Variants in PRKG1 observed in about 807,000 individuals in gnomAD.
PRKG1 encodes protein kinase cGMP-dependent 1, also known as cGMP-dependent protein kinase 1.
A neutral mutation model predicts 88.1 loss-of-function variants in PRKG1; 35 were observed. The ratio of observed to expected loss-of-function variants is 0.40; its 90% CI spans 0.30 to 0.53. The LOEUF (loss-of-function observed/expected upper bound fraction) is 0.53, where lower values mean the gene tolerates loss of function less well. Among genes scored for constraint, PRKG1 ranks in the 20% least tolerant of loss-of-function variants. The pLI is 0.59. For missense variants in PRKG1, 540 were observed against 839.8 expected, an observed-to-expected ratio of 0.64 and a Z score of 4.41; for synonymous variants, 303 against 292.5, an observed-to-expected ratio of 1.04 and a Z score of -0.37.
chr10:51,823,845 C>A (rs1839812944), intron 4 of PRKG1, among the ~76,000 whole-genome samples: 1 of 131,180 alleles, frequency 7.6e-6, no homozygotes, highest in African/African-American at 3.5e-5. Flanking sequence ...TAATATTATC[C>A]AGAATTTTTT....
intron 4 of PRKG1, among the ~76,000 whole-genome samples, chr10:51,839,348 A>T (rs1009528300): frequency 6.6e-6 from 1 of 152,210 alleles, no homozygotes; most frequent in African/African-American, 2.4e-5. Flanking sequence ...GTAGAAGCCA[A>T]CAAATAAATA....
At chr10:51,789,299 C>T (rs552831479) in intron 3 of PRKG1, among the ~76,000 whole-genome samples, 16 of 152,282 alleles carry the variant, frequency 1.1e-4, no homozygotes, top group Admixed American at 6.5e-4. Context: ...AAATGGCCCA[C>T]CTGCAGGAAA....
intron 2 of PRKG1, among the ~76,000 whole-genome samples, chr10:51,178,897 C>A (rs1484179212): frequency 2.6e-5 from 4 of 152,070 alleles, no homozygotes; most frequent in Admixed American, 2.6e-4. Flanking sequence ...CTTCTAATAA[C>A]CAATATAACA....
intron 3 of PRKG1, among the ~76,000 whole-genome samples, chr10:51,781,081 A>G (rs745554734): frequency 3.9e-5 from 6 of 152,190 alleles, no homozygotes; most frequent in Non-Finnish European, 5.9e-5. Flanking sequence ...TAAGATATTC[A>G]TAATGATTAC....
chr10:51,915,597 G>C (rs992161985), intron 5 of PRKG1, among the ~76,000 whole-genome samples: 8 of 151,966 alleles, frequency 5.3e-5, no homozygotes, highest in African/African-American at 1.9e-4. Context: ...AGGATAAAAA[G>C]AGAAGAGCTT....
chr10:51,362,220 G>T (rs1227888030), intron 2 of PRKG1, among the ~76,000 whole-genome samples: 2 of 151,672 alleles, frequency 1.3e-5, no homozygotes. Flanking sequence ...TCCCAGCCTT[G>T]ATCTCCTGGG....
chr10:51,261,651 C>A (rs779062298), intron 2 of PRKG1, among the ~76,000 whole-genome samples: 1 of 152,146 alleles, frequency 6.6e-6, no homozygotes, highest in Non-Finnish European at 1.5e-5. Context: ...AGAACGCATT[C>A]TTTGGCAGCT....
intron 2 of PRKG1, chr10:51,320,370 G>A (rs1841423985): frequency 6.1e-6 from 1 of 163,492 alleles, no homozygotes; most frequent in Non-Finnish European, 1.4e-5. Flanking sequence ...AGTTTACCCA[G>A]CTTAAGGAAC....
At chr10:51,518,615 C>T (rs542199269) in intron 3 of PRKG1, among the ~76,000 whole-genome samples, 1 of 152,220 alleles carries the variant, frequency 6.6e-6, no homozygotes, top group African/African-American at 2.4e-5. Context: ...CTTTAAATTG[C>T]CACATTCCAG....
chr10:51,714,199 C>T (rs187557759), intron 3 of PRKG1, among the ~76,000 whole-genome samples: 2 of 152,242 alleles, frequency 1.3e-5, no homozygotes, highest in East Asian at 1.9e-4. Flanking sequence ...AGGCTGGTCT[C>T]CATATCCTGA....
intron 2 of PRKG1, among the ~76,000 whole-genome samples, chr10:51,261,750 G>GGC (rs10664144): frequency 0.99 from 151,272 of 152,298 alleles, 75,135 homozygotes; most frequent in East Asian, 1. Context: ...TCCAGGGCTT[G>GGC]AGGGGAAGTA....
Position 51,074,550 on chromosome 10 carries a change from G to C in PRKG1, c.-41G>C. 1 of 1,582,946 alleles carries C rather than the reference G, an allele frequency of 6.3e-7. No individual in the cohort carries two copies. Among genetic ancestry groups the C allele is most frequent in the Non-Finnish European group, 8.6e-7 (1 of 1,162,198 alleles). On this transcript the variant is annotated 5_prime_UTR_variant, in exon 1 of 18. Coordinates refer to ENST00000373980, the MANE Select transcript of PRKG1 (RefSeq NM_006258.4). The stretch of plus-strand genomic sequence containing the variant: ...GAGAGGGGAGGAAGCCTCAAGACGC[G>C]GAGCAGCGGCAGGAAGGAGCCCCCG...
chr10:51,847,583 A>T (rs1012988765), intron 4 of PRKG1, among the ~76,000 whole-genome samples: 4 of 151,608 alleles, frequency 2.6e-5, no homozygotes, highest in African/African-American at 9.7e-5. Context: ...TTAATGATCT[A>T]TTGACAGCAT....
chr10:51,586,459 C>T (rs1252834812), intron 3 of PRKG1, among the ~76,000 whole-genome samples: 1 of 152,066 alleles, frequency 6.6e-6, no homozygotes, highest in African/African-American at 2.4e-5. Context: ...CTAAAATGGA[C>T]ACATTTTATA....
intron 2 of PRKG1, among the ~76,000 whole-genome samples, chr10:51,309,248 A>G (rs1005424192): frequency 1.3e-5 from 2 of 152,174 alleles, no homozygotes; most frequent in Non-Finnish European, 2.9e-5. Flanking sequence ...TTCAAATCCC[A>G]GTCTCTTTCA....
At chr10:51,965,438 A>G (rs1039791442) in intron 5 of PRKG1, among the ~76,000 whole-genome samples, 2 of 152,192 alleles carry the variant, frequency 1.3e-5, no homozygotes, top group Admixed American at 6.5e-5. Context: ...GAAAGCTCAA[A>G]TTGTATGTAA....
chr10:51,589,645 C>A lies in PRKG1; in HGVS notation c.592+121809C>A, dbSNP rs533260183. Among the ~76,000 whole-genome samples the A allele has an allele frequency of 2.6e-5, 4 of 152,102 alleles. No individual in the cohort carries two copies. The South Asian group carries it at 8.3e-4, about 32-fold the overall frequency. Reference sequence around the variant, plus strand: ...CTCAAAAATGAAACAAAAAAAAGAACAATGCAATACTTTATTCTATGTGAT... The same window carrying A: ...CTCAAAAATGAAACAAAAAAAAGAAAAATGCAATACTTTATTCTATGTGAT... On this transcript the variant is annotated intron_variant, in intron 3 of 17. Coordinates refer to ENST00000373980, the MANE Select transcript of PRKG1 (RefSeq NM_006258.4).
chr10:51,698,913 G>GGCCAGT lies in PRKG1; in HGVS notation c.593-105667_593-105666insTGCCAG, dbSNP rs760675594. ...AGCCCAGGGCCAGGGCCAGGGCCAG[G>GGCCAGT]GCCAGAGACAGACACAGACTGAGAT... is the stretch of plus-strand genomic sequence containing the variant. On this transcript the variant is annotated intron_variant, in intron 3 of 17. Coordinates refer to ENST00000373980, the MANE Select transcript of PRKG1 (RefSeq NM_006258.4). 4 of 1,614,090 alleles carry GGCCAGT rather than the reference G, an allele frequency of 2.5e-6. No individual in the cohort carries two copies. In the African/African-American group the frequency reaches 5.3e-5, roughly 22 times the overall value.
At position 52,161,952 on chromosome 10, in the gene PRKG1, A is replaced by G; in HGVS notation, c.1065A>G (p.Glu355=). 6.2e-7 allele frequency: 1 copy of G among 1,611,640 alleles called. No individual in the cohort carries two copies. Among genetic ancestry groups the G allele is most frequent in the Non-Finnish European group, 8.5e-7 (1 of 1,179,030 alleles). ...DVSNKAYEDA[E]AKAKYEAEAA... is the part of the protein sequence containing the mutation. Reference sequence around the variant, plus strand: ...CTAATAAAGCATATGAAGATGCAGAAGCTAAAGCAAAGTAAGTGACTTTTT... The same window carrying G: ...CTAATAAAGCATATGAAGATGCAGAGGCTAAAGCAAAGTAAGTGACTTTTT... The change falls in exon 9 of 18, where the codon GAA becomes GAG. Residue 355 remains glutamate, a synonymous_variant. Transcript: ENST00000373980.
Sources: allele counts gnomAD v4.1 joint callset (sites outside exome capture counted in the v4.1 genomes callset), GRCh38; gene constraint gnomAD v4.1.1; transcripts MANE v1.5; gene names NCBI Gene and HGNC (gene_info 2026-07-23, HGNC 2026-07-21).